The following DPY19L1 variants were observed in gnomAD, a reference collection of about 807,000 sequenced individuals.
The protein encoded by DPY19L1 is protein C-mannosyl-transferase DPY19L1.
A neutral mutation model predicts 96.9 loss-of-function variants in DPY19L1; 35 were observed. The ratio of observed to expected loss-of-function variants is 0.36; its 90% CI spans 0.28 to 0.48. The LOEUF (loss-of-function observed/expected upper bound fraction) is 0.48. Among genes scored for constraint, DPY19L1 ranks in the 20% least tolerant of loss-of-function variants. The pLI is 0.99. For synonymous variants in DPY19L1, 205 were observed against 252.6 expected, an observed-to-expected ratio of 0.81 and a Z score of 1.79; for missense variants, 521 against 777.9, an observed-to-expected ratio of 0.67 and a Z score of 3.93.
At chr7:34,970,197 G>A (rs1479866155) in intron 8 of DPY19L1, among the ~76,000 whole-genome samples, 9 of 152,148 alleles carry the variant, frequency 5.9e-5, no homozygotes, top group African/African-American at 2.2e-4. Context: ...GAGTGTGCAT[G>A]TTGATATACT....
At chr7:34,940,378 A>G (rs746071154) in intron 18 of DPY19L1, 51 bp from the exon 19 acceptor site, 1 of 1,497,758 alleles carries the variant, frequency 6.7e-7, no homozygotes, top group South Asian at 1.4e-5. Context: ...AGTAGTATGC[A>G]TCTGTTATGC....
rs564286684 is a variant in DPY19L1, at chr7:35,029,018, C to A, written c.298+8079G>T. 8.3e-4 allele frequency among the ~76,000 whole-genome samples: 127 copies of A among 152,310 alleles called. 1 individual carries two copies. Among genetic ancestry groups the A allele is most frequent in the Non-Finnish European group, 1.2e-4 (8 of 68,032 alleles). On this transcript the variant is annotated intron_variant, in intron 1 of 21. Transcript: ENST00000638088. ...GGTTTCAGTGGGTTTTGGCTGGCTT[C>A]TTTACCGCATGCTGTTTTATCAGCA...
chr7:34,931,821 T>C, intron 21 of DPY19L1, 92 bp from the exon 22 acceptor site: 1 of 1,441,220 alleles, frequency 6.9e-7, no homozygotes, highest in South Asian at 1.5e-5. Flanking sequence ...CCTCAATTCC[T>C]TTTTTCCCCT....
rs755623073 is a variant in DPY19L1, at chr7:35,005,636, TAAA to T, written c.764+4829_764+4831del. Among the ~76,000 whole-genome samples the T allele has an allele frequency of 4.6e-3, 385 of 84,450 alleles. 3 individuals carry two copies. Among genetic ancestry groups the T allele is most frequent in the African/African-American group, 0.018 (358 of 20,136 alleles). The allele number at this position is 84,450 out of a possible 152,430, so 55.4% of individuals were successfully genotyped here. ...CAAAATGGTAAAACCCTGTCTCTAC[TAAA>T]AAAAAAAAAAAAAAAAAAAAAAAAT... On this transcript the variant is annotated intron_variant, in intron 6 of 21. Transcript: ENST00000638088.
rs1014081733 is a variant in DPY19L1 at position 34,934,821 on chromosome 7, G to A, written c.2091-3092C>T. On this transcript the variant is annotated intron_variant, in intron 21 of 21. Transcript: ENST00000638088. ...AGGCTGTAATGCTTGTTCACCCTCC[G>A]CTCACCTCCTGCTGTGAGACTGGGT... Among the ~76,000 whole-genome samples, 7 of 152,286 alleles carry A rather than the reference G, an allele frequency of 4.6e-5. No individual in the cohort carries two copies. In the South Asian group the frequency reaches 6.2e-4, roughly 14 times the overall value.
intron 10 of DPY19L1, among the ~76,000 whole-genome samples, chr7:34,965,298 GA>G (rs35645861): frequency 1.3e-5 from 2 of 152,086 alleles, no homozygotes; most frequent in East Asian, 3.8e-4. Flanking sequence ...TTATATGATG[GA>G]AAATATAAAG....
chr7:34,978,685 C>T (rs754319452), intron 7 of DPY19L1, among the ~76,000 whole-genome samples: 1 of 152,060 alleles, frequency 6.6e-6, no homozygotes, highest in Non-Finnish European at 1.5e-5. Context: ...TTGTACCATA[C>T]ACAGGTTGAG....
intron 4 of DPY19L1, among the ~76,000 whole-genome samples, chr7:35,013,064 A>G (rs17204380): frequency 0.012 from 1,849 of 152,328 alleles, 21 homozygotes; most frequent in Non-Finnish European, 0.02. Context: ...TGGATAGTTC[A>G]ATATCTATCT....
chr7:34,974,918 C>T (rs1047857496), intron 7 of DPY19L1, among the ~76,000 whole-genome samples: 5 of 152,104 alleles, frequency 3.3e-5, no homozygotes, highest in African/African-American at 1.2e-4. Context: ...GATCAGTAAT[C>T]TCTGATATTA....
In DPY19L1 at chr7:34,961,161, T is replaced by C. The variant is rs190284685; in HGVS notation, c.1093-3091A>G. ...CAATAAAGTGATTCTGAAGTTTATA[T>C]GGAGATATAAACAACCCAGTATAGA... On this transcript the variant is annotated intron_variant, in intron 10 of 21. Transcript: ENST00000638088. Among the ~76,000 whole-genome samples the C allele has an allele frequency of 2.3e-4, 35 of 152,238 alleles. No individual in the cohort carries two copies. The East Asian group carries it at 5.3e-3, about 23-fold the overall frequency.
In DPY19L1 at chr7:35,027,668, T is replaced by TAAAAAA. The variant is rs57262214; in HGVS notation, c.299-9078_299-9073dup. 7.1e-4 allele frequency among the ~76,000 whole-genome samples: 51 copies of TAAAAAA among 71,370 alleles called. 2 individuals carry two copies. Among genetic ancestry groups the TAAAAAA allele is most frequent in the African/African-American group, 9.2e-4 (21 of 22,900 alleles). The allele number at this position is 71,370 out of a possible 152,430, so 46.8% of individuals were successfully genotyped here. A position where few individuals can be genotyped will look rare whatever the true frequency, so the allele number is the denominator to read the frequency against. On this transcript the variant is annotated intron_variant, in intron 1 of 21. Transcript: ENST00000638088. The stretch of plus-strand genomic sequence containing the variant: ...CAACATGGCAAAACCCCGTCTCTAC[T>TAAAAAA]AAAAAAAAAAAAAAAAAAAATTAGT...
At chr7:34,936,454 A>T (rs1296262169) in intron 21 of DPY19L1, among the ~76,000 whole-genome samples, 1 of 152,222 alleles carries the variant, frequency 6.6e-6, no homozygotes, top group Non-Finnish European at 1.5e-5. Context: ...CCAGTAACTT[A>T]CAGTTGTTTC....
chr7:35,023,530 A>G (rs1283524139), intron 1 of DPY19L1, among the ~76,000 whole-genome samples: 8 of 152,210 alleles, frequency 5.3e-5, no homozygotes. Flanking sequence ...CCTCTTACAC[A>G]TGCACTTCAT....
At position 34,952,323 on chromosome 7, in the gene DPY19L1, C is replaced by G. The variant is rs1784285251; in HGVS notation, c.1320+2375G>C. On this transcript the variant is annotated intron_variant, in intron 13 of 21. Coordinates refer to ENST00000638088, the MANE Select transcript of DPY19L1 (RefSeq NM_001366673.1). Reference sequence around the variant, plus strand: ...GACATATATAAAATGGGAAAAATTCCTCTAAGAACATAAAACTACCAAAGT... The same window carrying G: ...GACATATATAAAATGGGAAAAATTCGTCTAAGAACATAAAACTACCAAAGT... Among the ~76,000 whole-genome samples the G allele has an allele frequency of 6.6e-5, 10 of 152,024 alleles. No individual in the cohort carries two copies. In the South Asian group the frequency reaches 2.1e-3, roughly 32 times the overall value.
At chr7:34,944,668 C>T (rs1280093626) in intron 16 of DPY19L1, among the ~76,000 whole-genome samples, 1 of 152,144 alleles carries the variant, frequency 6.6e-6, no homozygotes, top group East Asian at 1.9e-4. Context: ...GATAGCCTAA[C>T]ATTCCACTCT....
chr7:34,962,776 T>C (rs964816406), intron 10 of DPY19L1, among the ~76,000 whole-genome samples: 3 of 152,098 alleles, frequency 2.0e-5, no homozygotes, highest in Non-Finnish European at 4.4e-5. Context: ...GTGATTCTGA[T>C]GTGTGATGTA....
intron 6 of DPY19L1, among the ~76,000 whole-genome samples, chr7:34,996,460 C>T (rs898787741): frequency 6.6e-6 from 1 of 152,160 alleles, no homozygotes; most frequent in Non-Finnish European, 1.5e-5. Context: ...CCTTCTCCTG[C>T]CTAGAAATAT....
chr7:35,011,143 T>C (rs1675330011), intron 5 of DPY19L1, among the ~76,000 whole-genome samples, 187 bp downstream of exon 5: 1 of 152,024 alleles, frequency 6.6e-6, no homozygotes, highest in Non-Finnish European at 1.5e-5. Flanking sequence ...GTAGCAGAGG[T>C]CCCTGAAATC....
intron 11 of DPY19L1, among the ~76,000 whole-genome samples, chr7:34,956,997 A>G (rs1784392344): frequency 6.6e-6 from 1 of 152,190 alleles, no homozygotes; most frequent in Non-Finnish European, 1.5e-5. Flanking sequence ...TGTACTTTAA[A>G]CATAAGGAAT....
Sources: allele counts gnomAD v4.1 joint callset (sites outside exome capture counted in the v4.1 genomes callset), GRCh38; gene constraint gnomAD v4.1.1; transcripts MANE v1.5; gene names NCBI Gene and HGNC (gene_info 2026-07-23, HGNC 2026-07-21).